The following IL7 variants were observed in gnomAD, a reference collection of about 807,000 sequenced individuals.
IL7 encodes the protein interleukin-7.
Under a neutral mutation model 21.6 loss-of-function variants are expected in IL7, and 3 were observed. The observed-to-expected ratio is 0.14, with a 90% CI of 0.06 to 0.36. IL7 has a LOEUF of 0.36. IL7 is among the 10% of genes least tolerant of loss of function. The pLI is 1.00. For missense variants in IL7, 175 were observed against 200.2 expected (o/e 0.87, Z 0.76); for synonymous variants, 62 against 68.1 (o/e 0.91, Z 0.44).
chr8:78,754,735 T>C (rs1812292582), intron 2 of IL7, among the ~76,000 whole-genome samples: 1 of 152,160 alleles, frequency 6.6e-6, no homozygotes, highest in African/African-American at 2.4e-5. Flanking sequence ...TGAAAATTAA[T>C]CCCTTGTTGG....
chr8:78,731,836 T>G (rs1329306776), downstream of IL7, among the ~76,000 whole-genome samples: 1 of 152,034 alleles, frequency 6.6e-6, no homozygotes, highest in African/African-American at 2.4e-5. Context: ...AAAATTCAAA[T>G]CTACTATAAC....
At chr8:78,750,272 A>T (rs1229855406) in intron 2 of IL7, among the ~76,000 whole-genome samples, 1 of 152,154 alleles carries the variant, frequency 6.6e-6, no homozygotes, top group African/African-American at 2.4e-5. Flanking sequence ...AGTCCAGGTC[A>T]CAGGCTCGCC....
At chr8:78,722,630 T>C (rs147371530) in intron 3 of IL7, among the ~76,000 whole-genome samples, 13 of 152,030 alleles carry the variant, frequency 8.6e-5, no homozygotes, top group Middle Eastern at 3.4e-3. Flanking sequence ...CATAGCCCCA[T>C]TGTGGGGCTT....
chr8:78,689,615 CTT>C (rs1464591908), intron 3 of IL7, among the ~76,000 whole-genome samples: 23 of 151,638 alleles, frequency 1.5e-4, no homozygotes, highest in Admixed American at 1.5e-3. Context: ...ATTCTATTGT[CTT>C]AGCACGTTTT....
At chr8:78,682,263 A>G (rs1233312801) in intron 4 of IL7, among the ~76,000 whole-genome samples, 2 of 152,204 alleles carry the variant, frequency 1.3e-5, no homozygotes, top group South Asian at 2.1e-4. Context: ...GTGCCAGCCA[A>G]TACAGTTAGA....
Position 78,738,490 on chromosome 8 carries a change from A to G in IL7, c.360+14T>C. Reference sequence around the variant, plus strand: ...TTTAATATTTTTATTCAAAGTAAATAGTCCTTAGCTTACCTGGCCAGTGCA... The same window carrying G: ...TTTAATATTTTTATTCAAAGTAAATGGTCCTTAGCTTACCTGGCCAGTGCA... On this transcript the variant is annotated intron_variant, in intron 4 of 5. Coordinates refer to ENST00000263851, the MANE Select transcript of IL7 (RefSeq NM_000880.4). 6.2e-7 allele frequency: 1 copy of G among 1,603,584 alleles called. No individual in the cohort carries two copies. The highest frequency in any genetic ancestry group is 2.2e-5 in the East Asian group (1 of 44,774).
downstream of IL7, among the ~76,000 whole-genome samples, chr8:78,715,022 A>G (rs529453772): frequency 1.3e-5 from 2 of 152,330 alleles, no homozygotes; most frequent in African/African-American, 4.8e-5. Flanking sequence ...TCAGAATAGT[A>G]TTAGTAAATG....
chr8:78,804,809 G>T, intron 1 of IL7, 104 bp downstream of exon 1: 1 of 1,341,196 alleles, frequency 7.5e-7, no homozygotes, highest in Non-Finnish European at 1.1e-6. Flanking sequence ...GTGCAAGGCC[G>T]GGCTATTCCC....
At chr8:78,756,934 C>A (rs1233781072) in intron 2 of IL7, among the ~76,000 whole-genome samples, 1 of 151,322 alleles carries the variant, frequency 6.6e-6, no homozygotes, top group African/African-American at 2.4e-5. Flanking sequence ...TAATTTTGGG[C>A]TTGGATCCCT....
chr8:78,703,801 G>A (rs1427743791), intron 3 of IL7, among the ~76,000 whole-genome samples: 1 of 152,130 alleles, frequency 6.6e-6, no homozygotes, highest in Non-Finnish European at 1.5e-5. Flanking sequence ...GTATTGATGT[G>A]TGTGGATTTG....
At chr8:78,755,199 T>G (rs910369247) in intron 2 of IL7, among the ~76,000 whole-genome samples, 1 of 152,084 alleles carries the variant, frequency 6.6e-6, no homozygotes, top group South Asian at 2.1e-4. Flanking sequence ...GTGTCTGTTT[T>G]TATACCAGTG....
intron 2 of IL7, chr8:78,762,381 G>A: frequency 6.2e-7 from 1 of 1,612,292 alleles, no homozygotes; most frequent in Non-Finnish European, 8.5e-7. Flanking sequence ...AAGTCAAGTC[G>A]GACTGCGTGC....
At chr8:78,742,961 A>G (rs1811844627) in intron 2 of IL7, among the ~76,000 whole-genome samples, 1 of 152,190 alleles carries the variant, frequency 6.6e-6, no homozygotes. Context: ...GCTGCCACTT[A>G]TAAGTGAGAA....
chr8:78,699,076 A>G (rs1054449066), intron 3 of IL7, among the ~76,000 whole-genome samples: 2 of 152,172 alleles, frequency 1.3e-5, no homozygotes, highest in African/African-American at 4.8e-5. Context: ...ATGAAAATCT[A>G]TAAAGGGATA....
intron 2 of IL7, among the ~76,000 whole-genome samples, chr8:78,793,988 A>G (rs944479847): frequency 6.6e-6 from 1 of 152,074 alleles, no homozygotes; most frequent in African/African-American, 2.4e-5. Flanking sequence ...AGATTTCAGC[A>G]TTTCAGTCAC....
intron 2 of IL7, among the ~76,000 whole-genome samples, chr8:78,775,359 G>C (rs181429460): frequency 6.6e-6 from 1 of 152,188 alleles, no homozygotes; most frequent in Non-Finnish European, 1.5e-5. Flanking sequence ...TCCTACTCTG[G>C]ATGTGCAGAA....
chr8:78,717,522 A>C (rs1811146162), downstream of IL7: 1 of 1,538,614 alleles, frequency 6.5e-7, no homozygotes, highest in African/African-American at 1.4e-5. Context: ...AAAAAAGCCA[A>C]GTTCAGAGTT....
At chr8:78,687,511 T>C (rs1214290144) in intron 3 of IL7, among the ~76,000 whole-genome samples, 1 of 142,756 alleles carries the variant, frequency 7.0e-6, no homozygotes, top group Non-Finnish European at 1.5e-5. Flanking sequence ...ATAAATTATA[T>C]ATATTTATAT....
At chr8:78,785,799 C>T (rs1813491350) in intron 2 of IL7, among the ~76,000 whole-genome samples, 1 of 152,164 alleles carries the variant, frequency 6.6e-6, no homozygotes, top group Non-Finnish European at 1.5e-5. Flanking sequence ...TCTCATGATC[C>T]TCTTCTCACT....
Sources: allele counts gnomAD v4.1 joint callset (sites outside exome capture counted in the v4.1 genomes callset), GRCh38; gene constraint gnomAD v4.1.1; transcripts MANE v1.5; gene names NCBI Gene and HGNC (gene_info 2026-07-23, HGNC 2026-07-21).